SLC25A20: variants seen among roughly 807,000 people sequenced by gnomAD.
SLC25A20 encodes mitochondrial carnitine/acylcarnitine carrier protein.
A neutral mutation model predicts 39.7 loss-of-function variants in SLC25A20; 29 were observed. That is an observed-to-expected ratio of 0.73 (90% CI 0.54 to 1.00). The LOEUF is 1.00. SLC25A20 is among the 50% of genes least tolerant of loss of function. SLC25A20 has a pLI of 0.00. For missense variants in SLC25A20, 333 were observed against 379.9 expected (o/e 0.88, Z 1.03); for synonymous variants, 103 against 142.2 (o/e 0.72, Z 1.96).
chr3:48,887,857 C>A (rs1437574006), intron 2 of SLC25A20, among the ~76,000 whole-genome samples: 2 of 151,032 alleles, frequency 1.3e-5, no homozygotes, highest in African/African-American at 4.9e-5. Context: ...GGGCTGAGAT[C>A]GTGCCACTGC....
rs1426517879 is a variant in SLC25A20 at position 48,882,269 on chromosome 3, A to C, written c.326+1728T>G. ...CAGGTGACTCTTCATACCCAAATCC[A>C]ACTTCTTAAAGTTTATTAAAGGAAA... On this transcript the variant is annotated intron_variant, in intron 3 of 8. Transcript: ENST00000319017. Among the ~76,000 whole-genome samples the C allele has an allele frequency of 2.0e-5, 3 of 152,236 alleles. No homozygotes were observed. The East Asian group carries it at 5.8e-4, about 29-fold the overall frequency.
intron 4 of SLC25A20, among the ~76,000 whole-genome samples, chr3:48,876,731 A>G (rs1281232349): frequency 6.6e-6 from 1 of 151,936 alleles, no homozygotes; most frequent in Non-Finnish European, 1.5e-5. Context: ...GGTCTCATAT[A>G]ATATTTTTAA....
intron 3 of SLC25A20, 62 bp downstream of exon 3, chr3:48,883,935 A>G (rs753716938): frequency 5.6e-6 from 9 of 1,600,968 alleles, no homozygotes; most frequent in Non-Finnish European, 7.7e-6. Context: ...AAGTTTCTTT[A>G]TTTTAACCCA....
chr3:48,887,827 C>T (rs1162093488), intron 2 of SLC25A20, among the ~76,000 whole-genome samples: 2 of 151,478 alleles, frequency 1.3e-5, no homozygotes, highest in South Asian at 2.1e-4. Context: ...TGCTTGAACC[C>T]GGGAGGCGGA....
intron 4 of SLC25A20, among the ~76,000 whole-genome samples, chr3:48,878,914 C>T (rs1000716706): frequency 1.3e-5 from 2 of 151,890 alleles, no homozygotes; most frequent in African/African-American, 2.4e-5. Flanking sequence ...TGCTCTCATG[C>T]CCAGGCTGCA....
intron 4 of SLC25A20, among the ~76,000 whole-genome samples, chr3:48,869,131 C>T (rs529045462): frequency 3.3e-5 from 5 of 152,218 alleles, no homozygotes; most frequent in African/African-American, 1.2e-4. Flanking sequence ...TCCCTTCCTG[C>T]TGGAGCAGTA....
At chr3:48,873,717 C>A (rs1463620286) in intron 4 of SLC25A20, among the ~76,000 whole-genome samples, 1 of 149,388 alleles carries the variant, frequency 6.7e-6, no homozygotes, top group Non-Finnish European at 1.5e-5. Context: ...CAGTGGCTCA[C>A]GCCTATAATC....
chr3:48,894,659 T>C (rs1174471625), intron 1 of SLC25A20, among the ~76,000 whole-genome samples: 1 of 152,162 alleles, frequency 6.6e-6, no homozygotes, highest in Non-Finnish European at 1.5e-5. Flanking sequence ...AAGGTCTTGC[T>C]CTGTCACCTA....
At chr3:48,857,917 T>G in intron 8 of SLC25A20, 145 bp from the exon 9 acceptor site, 1 of 665,782 alleles carries the variant, frequency 1.5e-6, no homozygotes, top group Non-Finnish European at 2.7e-6. Flanking sequence ...CAAGCTCTAC[T>G]CTCTCATTTT....
intron 2 of SLC25A20, among the ~76,000 whole-genome samples, chr3:48,890,945 C>T (rs1186723683): frequency 7.2e-5 from 11 of 151,892 alleles, no homozygotes; most frequent in Non-Finnish European, 1.2e-4. Flanking sequence ...TGAGCCAGCG[C>T]GCCCAGCCAC....
chr3:48,887,471 A>T (rs2083838100), intron 2 of SLC25A20, among the ~76,000 whole-genome samples: 1 of 152,178 alleles, frequency 6.6e-6, no homozygotes, highest in African/African-American at 2.4e-5. Context: ...AATAACGTCT[A>T]ATGACCAAGA....
chr3:48,883,102 G>C (rs1405872327), intron 3 of SLC25A20, among the ~76,000 whole-genome samples: 2 of 152,062 alleles, frequency 1.3e-5, no homozygotes, highest in Non-Finnish European at 2.9e-5. Flanking sequence ...GGCTGAGGCA[G>C]GAGAATGGTG....
intron 4 of SLC25A20, among the ~76,000 whole-genome samples, chr3:48,864,067 C>A (rs1460083156): frequency 1.3e-5 from 2 of 150,264 alleles, no homozygotes; most frequent in African/African-American, 4.9e-5. Flanking sequence ...CAATAAAAGC[C>A]GGGCACGGTG....
intron 2 of SLC25A20, among the ~76,000 whole-genome samples, chr3:48,884,352 T>TG (rs1559670422): frequency 6.6e-6 from 1 of 152,042 alleles, no homozygotes; most frequent in African/African-American, 2.4e-5. Context: ...GTTTTTGTTT[T>TG]GGGGGCTTTT....
chr3:48,886,998 C>T (rs1210703854), intron 2 of SLC25A20, among the ~76,000 whole-genome samples: 1 of 152,180 alleles, frequency 6.6e-6, no homozygotes, highest in Non-Finnish European at 1.5e-5. Flanking sequence ...ACAACTGTAC[C>T]TGTCAGCATT....
chr3:48,883,618 CTTT>C (rs761695690), intron 3 of SLC25A20, among the ~76,000 whole-genome samples: 5 of 97,348 alleles, frequency 5.1e-5, no homozygotes, highest in African/African-American at 1.6e-4. Context: ...CACCAAGGTC[CTTT>C]TTTTTTTTTT....
chr3:48,876,953 A>C (rs1421137844), intron 4 of SLC25A20, among the ~76,000 whole-genome samples: 1 of 151,618 alleles, frequency 6.6e-6, no homozygotes, highest in African/African-American at 2.4e-5. Flanking sequence ...AAAATTAGCC[A>C]GGCGTGGTGG....
intron 2 of SLC25A20, among the ~76,000 whole-genome samples, chr3:48,884,490 C>T (rs927564477): frequency 6.6e-6 from 1 of 151,872 alleles, no homozygotes; most frequent in African/African-American, 2.4e-5. Context: ...GCTGGGACTA[C>T]AGGCGTGCGC....
At chr3:48,885,450 T>C (rs1034447798) in intron 2 of SLC25A20, among the ~76,000 whole-genome samples, 1 of 151,986 alleles carries the variant, frequency 6.6e-6, no homozygotes, top group African/African-American at 2.4e-5. Context: ...CAGGGTGCAG[T>C]GGACCTGGGA....
Sources: gnomAD v4.1 joint callset for allele counts (sites outside exome capture counted in the v4.1 genomes callset) on GRCh38, gnomAD v4.1.1 for gene constraint, MANE v1.5 for transcripts, NCBI Gene and HGNC (gene_info 2026-07-23, HGNC 2026-07-21) for gene names.